The following AUTS2 variants were observed in gnomAD, a reference collection of about 807,000 sequenced individuals.
The protein encoded by AUTS2 is activator of transcription and developmental regulator AUTS2.
A neutral mutation model predicts 112.4 loss-of-function variants in AUTS2; 17 were observed. The observed-to-expected ratio is 0.15, with a 90% CI of 0.10 to 0.23. AUTS2 has a LOEUF of 0.23. Ranked by LOEUF, AUTS2 falls within the 10% of genes least tolerant of loss-of-function variation. AUTS2 has a pLI of 1.00. For missense variants in AUTS2, 1,510 were observed against 1,701.6 expected (o/e 0.89, Z 1.98); for synonymous variants, 751 against 702.7 (o/e 1.07, Z -1.09).
chr7:70,680,063 T>C (rs1294347222), intron 5 of AUTS2, among the ~76,000 whole-genome samples: 1 of 152,162 alleles, frequency 6.6e-6, no homozygotes, highest in African/African-American at 2.4e-5. Flanking sequence ...ATGCAGACCA[T>C]AGCATACTTC....
intron 2 of AUTS2, among the ~76,000 whole-genome samples, chr7:70,011,330 C>G (rs1699927951): frequency 6.9e-6 from 1 of 145,460 alleles, no homozygotes; most frequent in Admixed American, 6.8e-5. Context: ...CTCTCCTCTC[C>G]TCTCCTCTCC....
chr7:70,338,412 A>ACCG (rs1457582936), intron 4 of AUTS2, among the ~76,000 whole-genome samples: 1 of 152,228 alleles, frequency 6.6e-6, no homozygotes, highest in Admixed American at 6.5e-5. Context: ...TATTACAGAT[A>ACCG]GCATAGACTG....
intron 2 of AUTS2, among the ~76,000 whole-genome samples, chr7:70,004,059 AAT>A (rs1423714508): frequency 2.4e-5 from 3 of 124,314 alleles, no homozygotes; most frequent in South Asian, 2.5e-4. Context: ...GTTATATGTG[AAT>A]ATATATATTA....
At chr7:70,333,116 A>G (rs891624063) in intron 4 of AUTS2, among the ~76,000 whole-genome samples, 5 of 152,384 alleles carry the variant, frequency 3.3e-5, no homozygotes, top group Middle Eastern at 3.4e-3. Context: ...CAAATTTACA[A>G]GAAAGAAACA....
chr7:69,933,519 A>G (rs968076502), intron 2 of AUTS2, among the ~76,000 whole-genome samples: 1 of 152,220 alleles, frequency 6.6e-6, no homozygotes, highest in Non-Finnish European at 1.5e-5. Flanking sequence ...ATGAATCCAA[A>G]TAACATTCAT....
chr7:70,726,176 T>C (rs1056171301), intron 6 of AUTS2, among the ~76,000 whole-genome samples: 1 of 152,124 alleles, frequency 6.6e-6, no homozygotes, highest in Non-Finnish European at 1.5e-5. Context: ...AGAAAGATGA[T>C]AGAAGATATT....
chr7:69,689,690 T>G (rs1476310558), intron 1 of AUTS2, among the ~76,000 whole-genome samples: 3 of 93,308 alleles, frequency 3.2e-5, no homozygotes, highest in Non-Finnish European at 6.4e-5. Flanking sequence ...ATTTATTTAT[T>G]TATTTGAGAC....
At chr7:70,120,347 TATAA>T (rs555295442) in intron 3 of AUTS2, 209 of 152,312 alleles carry the variant, frequency 1.4e-3, no homozygotes, top group African/African-American at 4.4e-3. Context: ...ATCAAAGTTA[TATAA>T]ATAAAGAGTA....
chr7:69,766,197 T>C (rs1788413370), intron 1 of AUTS2, among the ~76,000 whole-genome samples: 1 of 152,248 alleles, frequency 6.6e-6, no homozygotes, highest in Non-Finnish European at 1.5e-5. Flanking sequence ...ACTGGAATCA[T>C]ATAGTGTTTG....
Position 70,380,684 on chromosome 7 carries a change from A to G in AUTS2, c.661-55068A>G, listed in dbSNP as rs564015292. 2.8e-4 allele frequency among the ~76,000 whole-genome samples: 43 copies of G among 152,372 alleles called. No homozygotes were observed. The South Asian group carries it at 8.7e-3, about 31-fold the overall frequency. ...CAACGCCTAGTCTGAACTGGCGACC[A>G]TGGGCTTTTTCAGAGCCAGGTGTCA... is the stretch of plus-strand genomic sequence containing the variant. On this transcript the variant is annotated intron_variant, in intron 4 of 18. Coordinates refer to ENST00000342771, the MANE Select transcript of AUTS2 (RefSeq NM_015570.4).
At chr7:69,843,635 C>A (rs1279511583) in intron 1 of AUTS2, among the ~76,000 whole-genome samples, 9 of 152,138 alleles carry the variant, frequency 5.9e-5, no homozygotes, top group Admixed American at 3.3e-4. Context: ...TGATGGCTGA[C>A]CTGGTTGTAG....
At chr7:70,539,194 G>T (rs1208977774) in intron 5 of AUTS2, among the ~76,000 whole-genome samples, 1 of 152,150 alleles carries the variant, frequency 6.6e-6, no homozygotes, top group East Asian at 1.9e-4. Flanking sequence ...TCTTCTCAGT[G>T]ACTCACTTCC....
intron 1 of AUTS2, among the ~76,000 whole-genome samples, chr7:69,692,119 G>T (rs611573): frequency 0.75 from 113,441 of 151,950 alleles, 42,507 homozygotes; most frequent in African/African-American, 0.82. Context: ...CTGCCAGTGG[G>T]CGTTTGGCCC....
chr7:70,398,980 CTTTTTTT>C (rs1184257368), intron 4 of AUTS2, among the ~76,000 whole-genome samples: 1 of 130,638 alleles, frequency 7.7e-6, no homozygotes, highest in Non-Finnish European at 1.7e-5. Flanking sequence ...TATGGTCTTT[CTTTTTTT>C]TTTTTTTTTT....
chr7:69,729,436 T>G (rs1786681878), intron 1 of AUTS2, among the ~76,000 whole-genome samples: 1 of 117,696 alleles, frequency 8.5e-6, no homozygotes. Flanking sequence ...CCCCCATTTT[T>G]ATACTTTTAT....
intron 2 of AUTS2, among the ~76,000 whole-genome samples, chr7:70,017,853 TTTATA>T (rs1363859676): frequency 5.2e-4 from 77 of 148,308 alleles, no homozygotes; most frequent in African/African-American, 1.7e-3. Context: ...CTTTTATATA[TTTATA>T]TTATATTTAT....
intron 6 of AUTS2, among the ~76,000 whole-genome samples, chr7:70,753,451 C>T (rs1465596363): frequency 6.6e-6 from 1 of 152,144 alleles, no homozygotes; most frequent in East Asian, 1.9e-4. Flanking sequence ...TCCACTCTTG[C>T]AGTGTTTGAA....
chr7:70,466,214 C>G (rs1797161389), intron 5 of AUTS2, among the ~76,000 whole-genome samples: 1 of 152,070 alleles, frequency 6.6e-6, no homozygotes, highest in African/African-American at 2.4e-5. Flanking sequence ...TCTTGATAAA[C>G]AATGAAACAA....
chr7:69,898,262 G>C (rs1780142327), intron 1 of AUTS2, among the ~76,000 whole-genome samples: 3 of 152,108 alleles, frequency 2.0e-5, no homozygotes, highest in African/African-American at 4.8e-5. Context: ...GTGTGGTAAG[G>C]CTTCATGAGG....
Sources: gnomAD v4.1 joint callset for allele counts (sites outside exome capture counted in the v4.1 genomes callset) on GRCh38, gnomAD v4.1.1 for gene constraint, MANE v1.5 for transcripts, NCBI Gene and HGNC (gene_info 2026-07-23, HGNC 2026-07-21) for gene names.